GPHN: variants seen among roughly 807,000 people sequenced by gnomAD.
GPHN encodes the protein gephyrin.
Under a neutral mutation model 95.5 loss-of-function variants are expected in GPHN, and 17 were observed. The ratio of observed to expected loss-of-function variants is 0.18; its 90% CI spans 0.12 to 0.27. The LOEUF is 0.27. GPHN is among the 10% of genes least tolerant of loss of function. GPHN has a pLI of 1.00. For missense variants in GPHN, 660 were observed against 978.1 expected, an observed-to-expected ratio of 0.67 and a Z score of 4.34; for synonymous variants, 320 against 322.5, an observed-to-expected ratio of 0.99 and a Z score of 0.08.
chr14:67,065,705 A>C (rs184268011), intron 11 of GPHN, among the ~76,000 whole-genome samples: 7 of 146,104 alleles, frequency 4.8e-5, no homozygotes, highest in African/African-American at 1.8e-4. Context: ...GTCTCTTTTG[A>C]TCTTTGTTGG....
chr14:67,095,335 T>C (rs1158556055), intron 12 of GPHN, among the ~76,000 whole-genome samples: 1 of 152,202 alleles, frequency 6.6e-6, no homozygotes, highest in African/African-American at 2.4e-5. Context: ...TTGGTGGGAC[T>C]GTAAACTAGT....
the GPHN span, among the ~76,000 whole-genome samples, chr14:67,563,356 C>T: frequency 6.6e-6 from 1 of 151,696 alleles, no homozygotes; most frequent in African/African-American, 2.4e-5. Flanking sequence ...AAAGTACTTA[C>T]AGTAGTGGTT....
chr14:67,685,015 C>T, the GPHN span: 2 of 1,605,364 alleles, frequency 1.2e-6, no homozygotes, highest in Non-Finnish European at 1.7e-6. Context: ...ACATTCATAC[C>T]TGAAATGATT....
intron 5 of GPHN, among the ~76,000 whole-genome samples, chr14:66,893,286 C>A (rs1172052003): frequency 1.3e-5 from 2 of 152,124 alleles, no homozygotes; most frequent in Non-Finnish European, 2.9e-5. Context: ...AACTGAGGTA[C>A]CGGGTTCATC....
chr14:66,833,691 A>G (rs1195034064), intron 4 of GPHN, among the ~76,000 whole-genome samples: 2 of 151,776 alleles, frequency 1.3e-5, no homozygotes, highest in East Asian at 1.9e-4. Flanking sequence ...TTCTGATGTA[A>G]TCTGCAAACC....
At chr14:67,396,260 G>A in the GPHN span, among the ~76,000 whole-genome samples, 34,975 of 144,724 alleles carry the variant, frequency 0.24, 3,978 homozygotes, top group African/African-American at 0.5. Flanking sequence ...CAATTCTCCT[G>A]CCTCAGCCTC....
chr14:67,631,881 T>A, the GPHN span, among the ~76,000 whole-genome samples: 811 of 152,164 alleles, frequency 5.3e-3, 4 homozygotes, highest in African/African-American at 0.014. Context: ...TCTATTTTTT[T>A]AAAAATTTTT....
At chr14:67,057,840 G>A (rs566290304) in intron 10 of GPHN, among the ~76,000 whole-genome samples, 5 of 152,260 alleles carry the variant, frequency 3.3e-5, no homozygotes, top group Admixed American at 2.0e-4. Context: ...GTAAATATTT[G>A]TTGAATGGGT....
At chr14:66,734,907 TCAA>T (rs2072120057) in intron 2 of GPHN, among the ~76,000 whole-genome samples, 1 of 152,174 alleles carries the variant, frequency 6.6e-6, no homozygotes, top group African/African-American at 2.4e-5. Flanking sequence ...TTAATTCAGT[TCAA>T]CAGATAATTT....
chr14:67,259,852 C>T, the GPHN span, among the ~76,000 whole-genome samples: 2 of 145,496 alleles, frequency 1.4e-5, no homozygotes, highest in Non-Finnish European at 3.0e-5. Context: ...TTTGAGGCTG[C>T]AGTGAGCTAT....
At chr14:66,870,555 A>G (rs1336543432) in intron 4 of GPHN, among the ~76,000 whole-genome samples, 3 of 152,214 alleles carry the variant, frequency 2.0e-5, no homozygotes, top group Non-Finnish European at 4.4e-5. Flanking sequence ...ACTGTGATCC[A>G]TCCATCTATA....
chr14:67,025,392 T>C (rs1277805357), intron 10 of GPHN, among the ~76,000 whole-genome samples: 1 of 152,180 alleles, frequency 6.6e-6, no homozygotes, highest in Non-Finnish European at 1.5e-5. Flanking sequence ...AAGACTGGTG[T>C]CCTTTAGATA....
the GPHN span, among the ~76,000 whole-genome samples, chr14:67,307,260 G>A: frequency 1.3e-5 from 2 of 152,050 alleles, no homozygotes; most frequent in African/African-American, 4.8e-5. Flanking sequence ...AAAAAGGAAG[G>A]ATTGGATTTC....
intron 1 of GPHN, among the ~76,000 whole-genome samples, chr14:66,625,552 T>A (rs748041567): frequency 2.0e-5 from 3 of 152,168 alleles, no homozygotes; most frequent in Admixed American, 6.5e-5. Flanking sequence ...CTTGGTAGTT[T>A]CTTTTCCCTA....
chr14:67,465,259 C>T, the GPHN span, among the ~76,000 whole-genome samples: 3 of 152,220 alleles, frequency 2.0e-5, no homozygotes, highest in African/African-American at 4.8e-5. Flanking sequence ...CATCAGTCTC[C>T]AGTTGGGCTA....
chr14:67,684,899 T>A, the GPHN span: 2 of 765,298 alleles, frequency 2.6e-6, no homozygotes, highest in East Asian at 5.3e-5. Flanking sequence ...ACTCTAGAGT[T>A]AAAAGACAAA....
the GPHN span, chr14:67,376,670 A>G: frequency 1.1e-5 from 16 of 1,465,622 alleles, no homozygotes; most frequent in Non-Finnish European, 1.4e-5. Context: ...GCATCCATGT[A>G]TAAAATACTT....
At chr14:67,524,713 C>T in the GPHN span, among the ~76,000 whole-genome samples, 4 of 152,148 alleles carry the variant, frequency 2.6e-5, no homozygotes, top group Non-Finnish European at 5.9e-5. Context: ...GGACAACCGC[C>T]AAACCACAAG....
chr14:67,571,969 T>G, the GPHN span: 3 of 1,530,388 alleles, frequency 2.0e-6, no homozygotes, highest in Non-Finnish European at 2.7e-6. Flanking sequence ...CCATGGGCAC[T>G]TGAACATGGG....
Sources: gnomAD v4.1 joint callset for allele counts (sites outside exome capture counted in the v4.1 genomes callset) on GRCh38, gnomAD v4.1.1 for gene constraint, MANE v1.5 for transcripts, NCBI Gene and HGNC (gene_info 2026-07-23, HGNC 2026-07-21) for gene names.